The following CEP192 variants were observed in gnomAD, a reference collection of about 807,000 sequenced individuals.
CEP192 encodes centrosomal protein of 192 kDa.
In CEP192, 151 loss-of-function variants were observed where a neutral mutation model predicts 271.8. That is an observed-to-expected ratio of 0.56 (90% CI 0.49 to 0.64). CEP192 has a LOEUF of 0.64. CEP192 is among the 30% of genes least tolerant of loss of function. The pLI is 0.00. For synonymous variants in CEP192, 995 were observed against 1,076.5 expected, an observed-to-expected ratio of 0.92 and a Z score of 1.48; for missense variants, 2,910 against 3,020.5, an observed-to-expected ratio of 0.96 and a Z score of 0.86.
rs377033719 is a variant in CEP192 at position 13,101,372 on chromosome 18, G to A, written c.6871+860G>A. Reference sequence around the variant, plus strand: ...GGATTAAATGCATTTTCCACTTAGGGTAATTTCAACTTAGGATGGGTTTAC... The same window carrying A: ...GGATTAAATGCATTTTCCACTTAGGATAATTTCAACTTAGGATGGGTTTAC... On this transcript the variant is annotated intron_variant, in intron 38 of 44. Transcript: ENST00000506447. Among the ~76,000 whole-genome samples the A allele has an allele frequency of 5.9e-3, 892 of 152,266 alleles. 13 individuals carry two copies. The highest frequency in any genetic ancestry group is 0.02 in the African/African-American group (834 of 41,540).
chr18:13,004,646 G>A (rs2033867854), intron 3 of CEP192, among the ~76,000 whole-genome samples: 1 of 151,646 alleles, frequency 6.6e-6, no homozygotes, highest in African/African-American at 2.4e-5. Flanking sequence ...AGGAGGAGTT[G>A]GTGGTTTAAA....
chr18:13,119,971 T>C (rs576333445), intron 44 of CEP192, among the ~76,000 whole-genome samples: 128 of 152,374 alleles, frequency 8.4e-4, no homozygotes, highest in African/African-American at 3.0e-3. Context: ...GTCAAAACTT[T>C]CCTGCAGTTA....
chr18:13,025,348 T>C (rs2035234258), intron 9 of CEP192, among the ~76,000 whole-genome samples: 1 of 152,030 alleles, frequency 6.6e-6, no homozygotes, highest in Non-Finnish European at 1.5e-5. Context: ...TTCTGAGCAG[T>C]TGGGACAACA....
At chr18:13,055,290 A>AG (rs1290233770) in intron 18 of CEP192, among the ~76,000 whole-genome samples, 1 of 152,008 alleles carries the variant, frequency 6.6e-6, no homozygotes, top group East Asian at 1.9e-4. Context: ...AAAAAAAAAA[A>AG]AAAAAAGTTA....
At chr18:13,053,168 A>G (rs1036845682) in intron 18 of CEP192, 78 bp downstream of exon 18, 1 of 1,205,158 alleles carries the variant, frequency 8.3e-7, no homozygotes, top group African/African-American at 1.5e-5. Context: ...TTCAGACTAC[A>G]GTTCAAGCCT....
At chr18:13,056,808 T>C in intron 19 of CEP192, 110 bp downstream of exon 19, 2 of 952,980 alleles carry the variant, frequency 2.1e-6, no homozygotes, top group South Asian at 1.6e-5. Flanking sequence ...CTTGTAAGTT[T>C]TGTGCTTCTT....
chr18:13,005,586 C>T (rs994315448), intron 3 of CEP192, among the ~76,000 whole-genome samples: 2 of 152,144 alleles, frequency 1.3e-5, no homozygotes, highest in East Asian at 3.9e-4. Flanking sequence ...GACAGGAGGC[C>T]TGGGGAGGTG....
rs148069220 is a variant in CEP192 at position 13,122,411 on chromosome 18, A to T, written c.7476-2221A>T. Reference sequence around the variant, plus strand: ...CACTCCAGCCTGGCAAAAGAGCGAGACACCGTCTCAAAAAAACAAAGTAGC... The same window carrying T: ...CACTCCAGCCTGGCAAAAGAGCGAGTCACCGTCTCAAAAAAACAAAGTAGC... On this transcript the variant is annotated intron_variant, in intron 44 of 44. Transcript: ENST00000506447. 3.5e-3 allele frequency among the ~76,000 whole-genome samples: 520 copies of T among 150,544 alleles called. 3 individuals carry two copies. The highest frequency in any genetic ancestry group is 0.012 in the African/African-American group (486 of 40,782).
At chr18:13,040,376 C>G (rs1053561527) in intron 13 of CEP192, among the ~76,000 whole-genome samples, 1 of 152,214 alleles carries the variant, frequency 6.6e-6, no homozygotes, top group Non-Finnish European at 1.5e-5. Context: ...TGGAAACTGC[C>G]TACCCTTTAG....
chr18:13,068,588 G>A (rs1264821622), intron 24 of CEP192, among the ~76,000 whole-genome samples, 166 bp downstream of exon 24: 1 of 152,204 alleles, frequency 6.6e-6, no homozygotes, highest in Non-Finnish European at 1.5e-5. Context: ...GGTCAATCCT[G>A]TGTAAGTGTG....
At chr18:12,995,053 ATTTTTTTTTT>A (rs139962686) in intron 1 of CEP192, among the ~76,000 whole-genome samples, 1 of 88,244 alleles carries the variant, frequency 1.1e-5, no homozygotes, top group African/African-American at 5.6e-5. Context: ...CATGGGAGGA[ATTTTTTTTTT>A]TTTTTTTTTT....
chr18:13,121,279 C>T (rs1016821635), intron 44 of CEP192, among the ~76,000 whole-genome samples: 4 of 152,206 alleles, frequency 2.6e-5, no homozygotes, highest in Admixed American at 6.5e-5. Context: ...CCATTAACTA[C>T]ACATTTCCAA....
chr18:13,018,769 T>C (rs1385020897), intron 8 of CEP192, among the ~76,000 whole-genome samples, 154 bp downstream of exon 8: 2 of 152,222 alleles, frequency 1.3e-5, no homozygotes, highest in Non-Finnish European at 2.9e-5. Context: ...AAAGAGCTTT[T>C]AATAATAGCT....
rs1005488128 is a variant in CEP192, at chr18:13,049,372, A to G, written c.2581A>G (p.Ile861Val). ...ESENQESFRT[I>V]NSSNSVTNRE... ...TGAGAATCAAGAGTCATTTAGAACCATAAACTCCTCAAATTCAGTTACAAA... is the reference window on the plus strand; with the variant it reads ...TGAGAATCAAGAGTCATTTAGAACCGTAAACTCCTCAAATTCAGTTACAAA... Residue 861 changes from isoleucine (I) to valine (V), a missense_variant, in exon 16 of 45, where the codon ATA becomes GTA. By Grantham distance (29) the Ile-to-Val change is conservative. Transcript: ENST00000506447. 1 of 1,614,208 alleles carries G rather than the reference A, an allele frequency of 6.2e-7. No individual in the cohort carries two copies. The highest frequency in any genetic ancestry group is 8.5e-7 in the Non-Finnish European group (1 of 1,180,034).
In CEP192 at chr18:13,049,977, T is replaced by C. The variant is rs1000525944; in HGVS notation, c.3017+86T>C. On this transcript the variant is annotated intron_variant, in intron 17 of 44. Coordinates refer to ENST00000506447, the MANE Select transcript of CEP192 (RefSeq NM_032142.4). ...AAAAATGTGTAAAGAAGAAAAATTA[T>C]CTGTGCATTCGTCTCTCAAAGGTAA... The C allele has an allele frequency of 4.9e-5, 54 of 1,110,784 alleles. No homozygotes were observed. In the Middle Eastern group the frequency reaches 1.1e-3, roughly 23 times the overall value. The allele number at this position is 1,110,784 out of a possible 1,614,324, so 68.8% of individuals were successfully genotyped here.
intron 12 of CEP192, 54 bp from the exon 13 acceptor site, chr18:13,038,316 A>C (rs1021128735): frequency 1.4e-6 from 2 of 1,412,186 alleles, no homozygotes; most frequent in African/African-American, 2.9e-5. Context: ...ATATTAGAAC[A>C]ACAGAAAAGT....
At chr18:13,031,244 T>TG (rs1555711727) in intron 11 of CEP192, among the ~76,000 whole-genome samples, 9 of 70,510 alleles carry the variant, frequency 1.3e-4, no homozygotes, top group African/African-American at 8.8e-4. Flanking sequence ...CTTATTGTTG[T>TG]TTTTTTTTTT....
intron 17 of CEP192, among the ~76,000 whole-genome samples, chr18:13,050,252 CTT>C (rs779618601): frequency 1.2e-4 from 18 of 152,122 alleles, no homozygotes; most frequent in East Asian, 5.8e-4. Flanking sequence ...TTATGAATGT[CTT>C]TTGTGGCTTT....
intron 30 of CEP192, among the ~76,000 whole-genome samples, chr18:13,080,433 C>CT (rs1360539953): frequency 3.3e-5 from 5 of 152,092 alleles, no homozygotes; most frequent in Non-Finnish European, 7.4e-5. Context: ...ATTTGGCTCT[C>CT]TGTTTGTCTG....
Sources: gnomAD v4.1 joint callset for allele counts (sites outside exome capture counted in the v4.1 genomes callset) on GRCh38, gnomAD v4.1.1 for gene constraint, MANE v1.5 for transcripts, NCBI Gene and HGNC (gene_info 2026-07-23, HGNC 2026-07-21) for gene names.